The following WDR72 variants were observed in gnomAD, a reference collection of about 807,000 sequenced individuals.
WDR72 encodes WD repeat domain 72.
A neutral mutation model predicts 124.2 loss-of-function variants in WDR72; 120 were observed. The ratio of observed to expected loss-of-function variants is 0.97; its 90% CI spans 0.83 to 1.12. The LOEUF is 1.12. Among genes scored for constraint, WDR72 ranks in the 50% most tolerant of loss-of-function variants. WDR72 has a pLI of 0.00. For missense variants in WDR72, 1,387 were observed against 1,278.8 expected (o/e 1.08, Z -1.29); for synonymous variants, 452 against 441.7 (o/e 1.02, Z -0.29).
At chr15:53,529,790 C>G (rs943423236) in intron 18 of WDR72, among the ~76,000 whole-genome samples, 6 of 151,904 alleles carry the variant, frequency 3.9e-5, no homozygotes, top group South Asian at 2.1e-4. Flanking sequence ...CTTACTCAAA[C>G]CAGGCATGAA....
intron 14 of WDR72, among the ~76,000 whole-genome samples, chr15:53,628,396 A>G (rs546949443): frequency 1.3e-5 from 2 of 152,284 alleles, no homozygotes; most frequent in African/African-American, 4.8e-5. Flanking sequence ...GAGATGGCAC[A>G]GATGATATTA....
intron 18 of WDR72, among the ~76,000 whole-genome samples, chr15:53,545,887 T>C (rs971551245): frequency 1.6e-5 from 2 of 124,614 alleles, no homozygotes; most frequent in African/African-American, 6.3e-5. Flanking sequence ...AGAAGACATT[T>C]ATGCAGCCAA....
At chr15:53,538,950 T>C (rs1307123913) in intron 18 of WDR72, among the ~76,000 whole-genome samples, 2 of 152,142 alleles carry the variant, frequency 1.3e-5, no homozygotes, top group African/African-American at 2.4e-5. Context: ...TTTGAACTTA[T>C]AGATAATAGC....
intron 14 of WDR72, among the ~76,000 whole-genome samples, chr15:53,638,391 T>A (rs1024290821): frequency 2.6e-5 from 4 of 152,138 alleles, no homozygotes; most frequent in East Asian, 3.9e-4. Context: ...AACAGAGGGC[T>A]ACCCTGGAAT....
chr15:53,731,268 T>C (rs2018194958), intron 2 of WDR72, among the ~76,000 whole-genome samples: 1 of 151,988 alleles, frequency 6.6e-6, no homozygotes, highest in African/African-American at 2.4e-5. Context: ...TTTTCACACC[T>C]AGGTTAAGGC....
intron 18 of WDR72, among the ~76,000 whole-genome samples, chr15:53,578,293 T>C (rs2011722135): frequency 6.6e-6 from 1 of 151,986 alleles, no homozygotes; most frequent in South Asian, 2.1e-4. Flanking sequence ...ACAGGTTAGG[T>C]CACTTAACAT....
chr15:53,596,559 T>C (rs539197485), intron 18 of WDR72, among the ~76,000 whole-genome samples: 1 of 152,154 alleles, frequency 6.6e-6, no homozygotes, highest in Non-Finnish European at 1.5e-5. Flanking sequence ...AAAAGCAAAT[T>C]TACCCATTAT....
chr15:53,533,077 C>A (rs1349219293), intron 18 of WDR72, among the ~76,000 whole-genome samples: 7 of 152,040 alleles, frequency 4.6e-5, no homozygotes, highest in African/African-American at 1.7e-4. Flanking sequence ...AGACGAGCAA[C>A]ACAATCAACC....
At chr15:53,587,140 A>T (rs867094292) in intron 18 of WDR72, among the ~76,000 whole-genome samples, 1 of 152,184 alleles carries the variant, frequency 6.6e-6, no homozygotes. Flanking sequence ...ACAGTGAATA[A>T]CTGTCCTGCT....
At chr15:53,582,476 T>C (rs1335826538) in intron 18 of WDR72, among the ~76,000 whole-genome samples, 1 of 152,000 alleles carries the variant, frequency 6.6e-6, no homozygotes. Flanking sequence ...CCAAATCTGA[T>C]TTCTGTTACA....
chr15:53,520,194 A>C (rs1891711077), intron 19 of WDR72, among the ~76,000 whole-genome samples: 1 of 152,134 alleles, frequency 6.6e-6, no homozygotes, highest in Admixed American at 6.6e-5. Flanking sequence ...TGTGGAATGA[A>C]CAATATACAA....
chr15:53,674,141 G>T (rs903456993), intron 13 of WDR72, among the ~76,000 whole-genome samples: 64 of 152,266 alleles, frequency 4.2e-4, no homozygotes, highest in African/African-American at 1.3e-3. Context: ...TATTGGGTAG[G>T]CATTTTCTAA....
intron 14 of WDR72, among the ~76,000 whole-genome samples, chr15:53,651,790 CTAAAGG>C (rs2015250899): frequency 6.6e-6 from 1 of 152,004 alleles, no homozygotes; most frequent in African/African-American, 2.4e-5. Flanking sequence ...GTAGCTGGGA[CTAAAGG>C]TGCGCGACAC....
intron 19 of WDR72, among the ~76,000 whole-genome samples, chr15:53,518,766 A>G (rs4144953): frequency 0.38 from 55,273 of 145,314 alleles, 10,565 homozygotes; most frequent in Admixed American, 0.49. Context: ...ATAGAAAAAG[A>G]AAAAAAAAAA....
chr15:53,727,859 G>A (rs574349693), intron 2 of WDR72, among the ~76,000 whole-genome samples: 2 of 152,282 alleles, frequency 1.3e-5, no homozygotes, highest in East Asian at 3.9e-4. Flanking sequence ...GAACTGCTGT[G>A]AAGAATAACA....
chr15:53,699,580 G>A (rs892141088), intron 13 of WDR72, among the ~76,000 whole-genome samples, 170 bp downstream of exon 13: 2 of 152,152 alleles, frequency 1.3e-5, no homozygotes, highest in African/African-American at 4.8e-5. Flanking sequence ...GACTTAGGCC[G>A]TTGTGTTTAA....
chr15:53,696,223 A>G (rs919225853), intron 13 of WDR72, among the ~76,000 whole-genome samples: 7 of 152,206 alleles, frequency 4.6e-5, no homozygotes, highest in South Asian at 2.1e-4. Flanking sequence ...CTGTCCACAC[A>G]TGGAACTAAG....
rs78928676 is a variant in WDR72 at position 53,683,966 on chromosome 15, G to A, written c.1765+15784C>T. 2.5e-3 allele frequency among the ~76,000 whole-genome samples: 377 copies of A among 152,004 alleles called. 2 individuals are homozygous for A. The highest frequency in any genetic ancestry group is 8.8e-3 in the African/African-American group (365 of 41,420). On this transcript the variant is annotated intron_variant, in intron 13 of 19. Transcript: ENST00000360509. ...CCATCAACAATCTGGGGATGTCAAC[G>A]AACCCTTTTTTTCCAATAATAATTT...
chr15:53,727,481 T>C (rs1294412725), intron 2 of WDR72, among the ~76,000 whole-genome samples: 3 of 152,188 alleles, frequency 2.0e-5, no homozygotes, highest in African/African-American at 7.2e-5. Flanking sequence ...GACTAACTTT[T>C]TAGTGCTACA....
Sources: allele counts gnomAD v4.1 joint callset (sites outside exome capture counted in the v4.1 genomes callset), GRCh38; gene constraint gnomAD v4.1.1; transcripts MANE v1.5; gene names NCBI Gene and HGNC (gene_info 2026-07-23, HGNC 2026-07-21).